Variants in GLIS1 observed in about 807,000 individuals in gnomAD.
The protein encoded by GLIS1 is GLIS family zinc finger 1.
In GLIS1, 24 loss-of-function variants were observed where a neutral mutation model predicts 63.8. The observed-to-expected ratio is 0.38, with a 90% CI of 0.27 to 0.53. The LOEUF is 0.53. Ranked by LOEUF, GLIS1 falls within the 20% of genes least tolerant of loss-of-function variation. The pLI is 0.85. For synonymous variants in GLIS1, 450 were observed against 482.5 expected (o/e 0.93, Z 0.88); for missense variants, 1,036 against 1,074.1 (o/e 0.96, Z 0.50).
chr1:53,509,033 G>T, intron 10 of GLIS1, 87 bp downstream of exon 10: 1 of 1,321,648 alleles, frequency 7.6e-7, no homozygotes, highest in Non-Finnish European at 1.0e-6. Context: ...GCATCCAAAG[G>T]CTGCAGGACA....
intron 4 of GLIS1, among the ~76,000 whole-genome samples, chr1:53,538,515 G>A (rs1409178939): frequency 6.6e-6 from 1 of 152,172 alleles, no homozygotes; most frequent in African/African-American, 2.4e-5. Context: ...CTCCAGTGCC[G>A]AGGTCTGTGC....
intron 2 of GLIS1, among the ~76,000 whole-genome samples, chr1:53,727,271 C>T (rs1386151252): frequency 6.6e-6 from 1 of 152,190 alleles, no homozygotes; most frequent in East Asian, 1.9e-4. Flanking sequence ...GTTTACAAAG[C>T]CCAAAATGGT....
At chr1:53,684,164 G>A (rs1646305336) in intron 2 of GLIS1, among the ~76,000 whole-genome samples, 2 of 152,026 alleles carry the variant, frequency 1.3e-5, no homozygotes, top group Admixed American at 1.3e-4. Context: ...CAGATGGGCA[G>A]GGCATTCCTG....
rs529856082 is a variant in GLIS1 at position 53,607,721 on chromosome 1, G to A, written c.260-7443C>T. Among the ~76,000 whole-genome samples, 168 of 152,304 alleles carry A rather than the reference G, an allele frequency of 1.1e-3. 4 individuals are homozygous for A. In the South Asian group the frequency reaches 0.033, roughly 30 times the overall value. On this transcript the variant is annotated intron_variant, in intron 2 of 10. Transcript: ENST00000628545. ...AGCTGCAGCTGATGGCTTCCCCAGT[G>A]TACTAGTCAGTTCCGGCTGCTATAA...
At chr1:53,641,131 G>C (rs1288838047) in intron 2 of GLIS1, among the ~76,000 whole-genome samples, 1 of 152,112 alleles carries the variant, frequency 6.6e-6, no homozygotes, top group African/African-American at 2.4e-5. Context: ...GGGACCACGG[G>C]GCAGGGTCTG....
chr1:53,584,555 A>C (rs1297549425), intron 4 of GLIS1, among the ~76,000 whole-genome samples: 1 of 151,936 alleles, frequency 6.6e-6, no homozygotes, highest in Admixed American at 6.6e-5. Flanking sequence ...TTGACACTGT[A>C]CTCCTTGCTT....
intron 10 of GLIS1, 119 bp from the exon 11 acceptor site, chr1:53,506,895 G>T: frequency 9.5e-7 from 1 of 1,050,676 alleles, no homozygotes; most frequent in Non-Finnish European, 1.3e-6. Flanking sequence ...TGTCCCGTCG[G>T]TGGGGCCTGC....
In GLIS1 at chr1:53,524,902, G is replaced by GA. The variant is rs781015575; in HGVS notation, c.1483-16_1483-15insT. ...GCGTACGGCTTCTGTAACATGGGGGGCACGGGTGGGGTGAGTGAGGCCCAT... is the reference window on the plus strand; with the variant it reads ...GCGTACGGCTTCTGTAACATGGGGGGACACGGGTGGGGTGAGTGAGGCCCAT... On this transcript the variant is annotated splice_polypyrimidine_tract_variant and intron_variant, in intron 5 of 10. Coordinates refer to ENST00000628545, the MANE Select transcript of GLIS1 (RefSeq NM_001367484.1). 2 of 1,580,922 alleles carry GA rather than the reference G, an allele frequency of 1.3e-6. No individual in the cohort carries two copies. The highest frequency in any genetic ancestry group is 1.1e-5 in the South Asian group (1 of 90,420).
intron 2 of GLIS1, among the ~76,000 whole-genome samples, chr1:53,629,653 C>G (rs965912195): frequency 2.0e-5 from 3 of 152,244 alleles, no homozygotes; most frequent in Non-Finnish European, 4.4e-5. Context: ...TGGGCCTGGA[C>G]AGTTGCAGTG....
chr1:53,593,442 C>T (rs758416054), intron 4 of GLIS1, among the ~76,000 whole-genome samples: 3 of 152,198 alleles, frequency 2.0e-5, no homozygotes, highest in Admixed American at 6.5e-5. Flanking sequence ...TGTGTGTGCA[C>T]GCGTGCATGC....
chr1:53,509,351 C>T, intron 9 of GLIS1, 64 bp from the exon 10 acceptor site: 1 of 1,435,356 alleles, frequency 7.0e-7, no homozygotes, highest in Non-Finnish European at 9.4e-7. Context: ...GGGAGGGGAA[C>T]ATCCTTGCTG....
intron 2 of GLIS1, among the ~76,000 whole-genome samples, chr1:53,710,504 C>G (rs1013662511): frequency 6.6e-6 from 1 of 152,274 alleles, no homozygotes; most frequent in Non-Finnish European, 1.5e-5. Context: ...GAGGACCAGT[C>G]TTGCTGACTC....
rs539965395 is a variant in GLIS1, at chr1:53,580,523, C to T, written c.1320+13585G>A. Among the ~76,000 whole-genome samples the T allele has an allele frequency of 7.9e-5, 12 of 152,264 alleles. No individual in the cohort carries two copies. In the South Asian group the frequency reaches 2.3e-3, roughly 29 times the overall value. ...GGAATCGCAGGAACTAATTAAGAGGCCTGGTCAGGGGTCCTCCAAGGTGAG... is the reference window on the plus strand; with the variant it reads ...GGAATCGCAGGAACTAATTAAGAGGTCTGGTCAGGGGTCCTCCAAGGTGAG... On this transcript the variant is annotated intron_variant, in intron 4 of 10. Transcript: ENST00000628545.
intron 4 of GLIS1, among the ~76,000 whole-genome samples, chr1:53,531,297 G>A (rs935500693): frequency 2.0e-5 from 3 of 152,218 alleles, no homozygotes; most frequent in Non-Finnish European, 1.5e-5. Context: ...CTGACCCAGG[G>A]GCCAGCATGG....
chr1:53,726,082 T>C (rs921370586), intron 2 of GLIS1, among the ~76,000 whole-genome samples: 4 of 152,200 alleles, frequency 2.6e-5, no homozygotes, highest in African/African-American at 9.7e-5. Flanking sequence ...CACCTGACTC[T>C]TTCATGAGAG....
chr1:53,713,811 G>A (rs923114213), intron 2 of GLIS1, among the ~76,000 whole-genome samples: 1 of 152,170 alleles, frequency 6.6e-6, no homozygotes, highest in African/African-American at 2.4e-5. Context: ...GAGAAGTAAA[G>A]GAAAGAGATA....
At chr1:53,551,476 C>T (rs1644758958) in intron 4 of GLIS1, among the ~76,000 whole-genome samples, 1 of 152,122 alleles carries the variant, frequency 6.6e-6, no homozygotes, top group African/African-American at 2.4e-5. Flanking sequence ...GGTCTCAGAC[C>T]ACTCCCTTCC....
At chr1:53,671,053 C>T (rs1360610183) in intron 2 of GLIS1, among the ~76,000 whole-genome samples, 1 of 152,206 alleles carries the variant, frequency 6.6e-6, no homozygotes, top group Non-Finnish European at 1.5e-5. Context: ...ATGATTCAAA[C>T]TATTTTTAAA....
At chr1:53,733,223 G>A (rs1646880173) in intron 2 of GLIS1, among the ~76,000 whole-genome samples, 1 of 152,198 alleles carries the variant, frequency 6.6e-6, no homozygotes, top group African/African-American at 2.4e-5. Context: ...TAAGTGTGCT[G>A]GCTCACTAAG....
Sources: allele counts gnomAD v4.1 joint callset (sites outside exome capture counted in the v4.1 genomes callset), GRCh38; gene constraint gnomAD v4.1.1; transcripts MANE v1.5; gene names NCBI Gene and HGNC (gene_info 2026-07-23, HGNC 2026-07-21).